GRSF1: variants seen among roughly 807,000 people sequenced by gnomAD.
GRSF1 encodes G-rich RNA sequence binding factor 1.
In GRSF1, 50 loss-of-function variants were observed where a neutral mutation model predicts 51.1. That is an observed-to-expected ratio of 0.98 (90% CI 0.78 to 1.24). GRSF1 has a LOEUF of 1.24. GRSF1 is among the 50% of genes most tolerant of loss of function. The pLI is 0.00. For synonymous variants in GRSF1, 293 were observed against 253.3 expected, an observed-to-expected ratio of 1.16 and a Z score of -1.49; for missense variants, 700 against 639.7, an observed-to-expected ratio of 1.09 and a Z score of -1.02.
intron 5 of GRSF1, among the ~76,000 whole-genome samples, chr4:70,828,736 ATT>A (rs35686810): frequency 7.8e-4 from 104 of 133,250 alleles, no homozygotes; most frequent in African/African-American, 2.5e-3. Flanking sequence ...CACACTGCTA[ATT>A]TTTTTTTTTT....
In GRSF1 at chr4:70,831,616, C is replaced by A. The variant is rs761452181; in HGVS notation, c.873G>T (p.Gly291=). The change falls in exon 5 of 10, where the codon GGG becomes GGT. Residue 291 remains glycine, a synonymous_variant. Transcript: ENST00000254799. ...VMDYRGRRKT[G]EAYVQFEEPE... is the part of the protein sequence containing the mutation. ...GTTCTTCAAATTGCACATAGGCTTC[C>A]CCTGTTTTTCGCCTCCCTCTATAGT... is the stretch of plus-strand genomic sequence containing the variant. The A allele has an allele frequency of 6.2e-7, 1 of 1,613,290 alleles. No individual in the cohort carries two copies. Among genetic ancestry groups the A allele is most frequent in the Non-Finnish European group, 8.5e-7 (1 of 1,179,454 alleles).
intron 2 of GRSF1, among the ~76,000 whole-genome samples, chr4:70,833,797 G>A (rs1420995324): frequency 6.6e-6 from 1 of 152,106 alleles, no homozygotes. Context: ...GGGATTACAG[G>A]CATCAGCCAC....
Position 70,825,319 on chromosome 4 carries a change from A to G in GRSF1, c.1370T>C (p.Met457Thr), listed in dbSNP as rs370109008. 10 of 1,609,622 alleles carry G rather than the reference A, an allele frequency of 6.2e-6. No homozygotes were observed. The highest frequency in any genetic ancestry group is 8.5e-6 in the Non-Finnish European group (10 of 1,176,758). ...FETHEDAVAA[M>T]LKDRSHVHHR... ...ACGAACGTGGGACCGATCCTTGAGCATCGCTGCAACAGCATCCTCATGGGT... is the reference window on the plus strand; with the variant it reads ...ACGAACGTGGGACCGATCCTTGAGCGTCGCTGCAACAGCATCCTCATGGGT... Residue 457 changes from methionine to threonine, a missense_variant, in exon 8 of 10, where the codon ATG (methionine) becomes ACG (threonine). Coordinates refer to ENST00000254799, the MANE Select transcript of GRSF1 (RefSeq NM_002092.4).
At chr4:70,840,773 A>C (rs1170184726), upstream of GRSF1, among the ~76,000 whole-genome samples, 1 of 151,998 alleles carries the variant, frequency 6.6e-6, no homozygotes, top group Non-Finnish European at 1.5e-5. Context: ...CAAACAAACA[A>C]ACAAAAAAAT....
At chr4:70,831,435 T>C (rs1396550918) in intron 5 of GRSF1, 104 bp downstream of exon 5, 1 of 1,032,372 alleles carries the variant, frequency 9.7e-7, no homozygotes, top group Non-Finnish European at 1.4e-6. Flanking sequence ...CACTACTCTC[T>C]CTACTTTTCT....
intron 3 of GRSF1, 145 bp from the exon 4 acceptor site, chr4:70,832,595 A>G: frequency 1.7e-6 from 1 of 585,060 alleles, no homozygotes; most frequent in South Asian, 2.3e-5. Flanking sequence ...AAAATAACAA[A>G]TGACATTTAT....
In GRSF1 at chr4:70,839,527, G is replaced by C; in HGVS notation, c.301C>G (p.Leu101Val). ...AASYSALRASLLPQSLAAAAA... is the reference protein window; with the variant it reads ...AASYSALRASVLPQSLAAAAA... ...GCCGCCGCCAGCGACTGCGGCAGCA[G>C]AGAGGCACGGAGGGCAGAGTAGGAC... The change falls in exon 1 of 10, where the codon CTG becomes GTG. Residue 101 changes from leucine to valine, a missense_variant. Coordinates refer to ENST00000254799, the MANE Select transcript of GRSF1 (RefSeq NM_002092.4). 1.3e-5 allele frequency: 19 copies of C among 1,447,606 alleles called. No individual in the cohort carries two copies. The highest frequency in any genetic ancestry group is 1.7e-5 in the Non-Finnish European group (19 of 1,106,288). 89.7% of individuals were successfully genotyped at this position (1,447,606 alleles called of 1,614,324 possible).
At position 70,839,460 on chromosome 4, in the gene GRSF1, C is replaced by A; in HGVS notation, c.357+11G>T. 1 of 1,460,414 alleles carries A rather than the reference C, an allele frequency of 6.8e-7. No homozygotes were observed. The highest frequency in any genetic ancestry group is 9.0e-7 in the Non-Finnish European group (1 of 1,113,714). The allele number at this position is 1,460,414 out of a possible 1,614,324, so 90.5% of individuals were successfully genotyped here. ...GGATCTCGCGCCAGGTCCCTCACGG[C>A]GCCCACGTACCTGGCTGTAGCTGCG... On this transcript the variant is annotated intron_variant, in intron 1 of 9. Coordinates refer to ENST00000254799, the MANE Select transcript of GRSF1 (RefSeq NM_002092.4).
At chr4:70,833,300 G>C in intron 2 of GRSF1, 27 bp from the exon 3 acceptor site, 1 of 1,600,440 alleles carries the variant, frequency 6.2e-7, no homozygotes, top group East Asian at 2.2e-5. Flanking sequence ...AAAATCAATT[G>C]AAAACAGAAA....
chr4:70,839,053 C>T, intron 1 of GRSF1: 1 of 1,099,066 alleles, frequency 9.1e-7, no homozygotes, highest in Non-Finnish European at 1.2e-6. Context: ...CCGCCCAGGC[C>T]TAGCGCTCGG....
At chr4:70,841,738 T>C (rs1014038368), upstream of GRSF1, among the ~76,000 whole-genome samples, 1 of 152,056 alleles carries the variant, frequency 6.6e-6, no homozygotes. Context: ...GAAAACCCTT[T>C]CCCCAACCAA....
At chr4:70,825,482 C>T in intron 7 of GRSF1, 51 bp from the exon 8 acceptor site, 19 of 1,488,608 alleles carry the variant, frequency 1.3e-5, no homozygotes, top group Non-Finnish European at 1.7e-5. Flanking sequence ...TGTAAACCTA[C>T]CTAGAAGTCT....
rs1240613717 is a variant in GRSF1, at chr4:70,818,743, C to T, written c.*2144G>A. 1 of 152,110 alleles carries T rather than the reference C, an allele frequency of 6.6e-6. No individual in the cohort carries two copies. Among genetic ancestry groups the T allele is most frequent in the Non-Finnish European group, 1.5e-5 (1 of 68,036 alleles). The allele number at this position is 152,110 out of a possible 1,614,324, so 9.4% of individuals were successfully genotyped here. A position where few individuals can be genotyped will look rare whatever the true frequency, so the allele number is the denominator to read the frequency against. On this transcript the variant is annotated 3_prime_UTR_variant, in exon 10 of 10. Coordinates refer to ENST00000254799, the MANE Select transcript of GRSF1 (RefSeq NM_002092.4). ...GGATATGAGCACCCTGACCATATGC[C>T]CCACTCCCACTATTCTTCCTGATGG...
At chr4:70,822,812 TG>T (rs1271282490) in intron 9 of GRSF1, among the ~76,000 whole-genome samples, 2 of 152,166 alleles carry the variant, frequency 1.3e-5, no homozygotes, top group Non-Finnish European at 2.9e-5. Context: ...GAATTATGGC[TG>T]GGAGCAGTGG....
Position 70,824,315 on chromosome 4 carries a change from A to G in GRSF1, c.*4T>C. On this transcript the variant is annotated 3_prime_UTR_variant, in exon 9 of 10. Coordinates refer to ENST00000254799, the MANE Select transcript of GRSF1 (RefSeq NM_002092.4). The stretch of plus-strand genomic sequence containing the variant: ...TTACCTTATTATCTGGAGCCCCTAG[A>G]GTCTTATTTTCCTTTTGGACATGAA... 1 of 1,412,134 alleles carries G rather than the reference A, an allele frequency of 7.1e-7. No homozygotes were observed. Among genetic ancestry groups the G allele is most frequent in the Admixed American group, 1.8e-5 (1 of 54,454 alleles). 87.5% of individuals were successfully genotyped at this position (1,412,134 alleles called of 1,614,324 possible). A position where few individuals can be genotyped will look rare whatever the true frequency, so the allele number is the denominator to read the frequency against.
chr4:70,837,850 G>C (rs1017122168), intron 1 of GRSF1, among the ~76,000 whole-genome samples: 2 of 151,266 alleles, frequency 1.3e-5, no homozygotes, highest in Admixed American at 1.3e-4. Flanking sequence ...ATGTTGGTTA[G>C]CCTGCTATCG....
chr4:70,833,135 C>T lies in GRSF1; in HGVS notation c.653G>A (p.Gly218Asp). ...KALEKHRMYM[G>D]QRYVEVYEIN... ...TCACATACCTTCCACATACCGCTGG[C>T]CCATGTACATGCGGTGCTTCTCTAA... The change falls in exon 3 of 10, where the codon GGC becomes GAC. Residue 218 changes from glycine to aspartate, a missense_variant. Gly to Asp is a moderately conservative substitution (Grantham distance 94). Coordinates refer to ENST00000254799, the MANE Select transcript of GRSF1 (RefSeq NM_002092.4). 1 of 1,613,888 alleles carries T rather than the reference C, an allele frequency of 6.2e-7. No individual in the cohort carries two copies. The highest frequency in any genetic ancestry group is 2.2e-5 in the East Asian group (1 of 44,880).
rs1195506448 is a variant in GRSF1 at position 70,825,035 on chromosome 4, G to A, written c.1393+261C>T. 2.0e-5 allele frequency among the ~76,000 whole-genome samples: 3 copies of A among 152,250 alleles called. No individual in the cohort carries two copies. The East Asian group carries it at 5.8e-4, about 29-fold the overall frequency. On this transcript the variant is annotated intron_variant, in intron 8 of 9. Coordinates refer to ENST00000254799, the MANE Select transcript of GRSF1 (RefSeq NM_002092.4). ...GAGAATTGCTTGAACACAGGAGGCT[G>A]AGACTGCGGTGAGCCGAGATGGCAC...
rs1414509823 is a variant in GRSF1, at chr4:70,824,326, C to T, written c.1436G>A (p.Gly479Glu). The T allele has an allele frequency of 6.8e-7, 1 of 1,467,376 alleles. No homozygotes were observed. Among genetic ancestry groups the T allele is most frequent in the Admixed American group, 1.8e-5 (1 of 54,966 alleles). The allele number at this position is 1,467,376 out of a possible 1,614,324, so 90.9% of individuals were successfully genotyped here. ...TCTGGAGCCCCTAGAGTCTTATTTT[C>T]CTTTTGGACATGAATTCAGGAACAG... ...IELFLNSCPK[G>E]K is the part of the protein sequence containing the mutation. Residue 479 changes from glycine to glutamate, a missense_variant, in exon 9 of 10, where the codon GGA becomes GAA. By Grantham distance (98) the Gly-to-Glu change is moderately conservative. Transcript: ENST00000254799.
Sources: allele counts gnomAD v4.1 joint callset (sites outside exome capture counted in the v4.1 genomes callset), GRCh38; gene constraint gnomAD v4.1.1; transcripts MANE v1.5; gene names NCBI Gene and HGNC (gene_info 2026-07-23, HGNC 2026-07-21).